PRKN: variants seen among roughly 807,000 people sequenced by gnomAD.
PRKN encodes E3 ubiquitin-protein ligase parkin.
PRKN carries 56 observed loss-of-function variants against 59.5 expected under a neutral mutation model. The ratio of observed to expected loss-of-function variants is 0.94; its 90% CI spans 0.76 to 1.18. The LOEUF is 1.18. Among genes scored for constraint, PRKN ranks in the 50% most tolerant of loss-of-function variants. The probability of loss-of-function intolerance (pLI) is 0.00; values close to 1 mark genes in which losing one functional copy is unlikely to be tolerated. For missense variants in PRKN, 657 were observed against 596.4 expected, an observed-to-expected ratio of 1.10 and a Z score of -1.06; for synonymous variants, 250 against 222.1, an observed-to-expected ratio of 1.13 and a Z score of -1.12.
rs540495961 is a variant in PRKN at position 161,549,902 on chromosome 6, A to C, written c.934-899T>G. Among the ~76,000 whole-genome samples the C allele has an allele frequency of 2.0e-5, 3 of 152,352 alleles. No individual in the cohort carries two copies. In the South Asian group the frequency reaches 6.2e-4, roughly 32 times the overall value. ...CTTCATCCACAGCACTGTAACAGTC[A>C]ATACCGAGAGGTTAGAATGTCTAGG... On this transcript the variant is annotated intron_variant, in intron 8 of 11. Transcript: ENST00000366898. This position sits in a 1 kb window ranked among gnomAD's most constrained non-coding sequence, Gnocchi z 6.0.
At chr6:161,585,585 C>A (rs978897045) in intron 7 of PRKN, among the ~76,000 whole-genome samples, 1 of 152,154 alleles carries the variant, frequency 6.6e-6, no homozygotes, top group Admixed American at 6.5e-5. Flanking sequence ...AATTAAATAG[C>A]GTTCAAATTG....
rs540305409 is a variant in PRKN, at chr6:161,410,777, C to T, written c.1084-23900G>A. On this transcript the variant is annotated intron_variant, in intron 9 of 11. Coordinates refer to ENST00000366898, the MANE Select transcript of PRKN (RefSeq NM_004562.3). This position sits in a 1 kb window ranked among gnomAD's most constrained non-coding sequence, Gnocchi z 5.3. ...ATTGGTGCTCATGACAACGGCACGC[C>T]AAGGGGCTTGATGGCAGCAGCCTCA... is the stretch of plus-strand genomic sequence containing the variant. 6.6e-6 allele frequency among the ~76,000 whole-genome samples: 1 copy of T among 152,058 alleles called. No individual in the cohort carries two copies. The highest frequency in any genetic ancestry group is 1.5e-5 in the Non-Finnish European group (1 of 68,012).
intron 1 of PRKN, among the ~76,000 whole-genome samples, chr6:162,450,891 T>A (rs9458559): frequency 7.2e-5 from 11 of 151,996 alleles, no homozygotes; most frequent in African/African-American, 2.2e-4. Flanking sequence ...ATCAGCATTC[T>A]TTCATTAATG....
At chr6:161,874,202 T>A (rs1346850774) in intron 6 of PRKN, among the ~76,000 whole-genome samples, 3 of 57,142 alleles carry the variant, frequency 5.3e-5, no homozygotes, top group Admixed American at 3.3e-4. Context: ...ATAATATATA[T>A]TATATGTAAA....
At chr6:161,534,688 G>A (rs1361017519) in intron 9 of PRKN, among the ~76,000 whole-genome samples, 1 of 152,236 alleles carries the variant, frequency 6.6e-6, no homozygotes, top group Non-Finnish European at 1.5e-5. Flanking sequence ...CTTCAGCACA[G>A]TGGCTGTGAC....
chr6:162,425,081 C>A (rs560513353), intron 2 of PRKN, among the ~76,000 whole-genome samples: 1 of 151,996 alleles, frequency 6.6e-6, no homozygotes, highest in South Asian at 2.1e-4. Flanking sequence ...AAAAATCTAC[C>A]CATCAGAACA....
At chr6:161,979,768 C>A (rs1781190935) in intron 5 of PRKN, among the ~76,000 whole-genome samples, 1 of 152,100 alleles carries the variant, frequency 6.6e-6, no homozygotes, top group African/African-American at 2.4e-5. Flanking sequence ...TCACATCAGA[C>A]CCATACAAAT....
chr6:161,648,452 T>C (rs898015952), intron 7 of PRKN, among the ~76,000 whole-genome samples: 1 of 152,148 alleles, frequency 6.6e-6, no homozygotes, highest in African/African-American at 2.4e-5. Context: ...CCTAGGCTCA[T>C]GTTTATAGGG....
intron 6 of PRKN, among the ~76,000 whole-genome samples, chr6:161,887,869 G>C (rs1795213080): frequency 6.6e-6 from 1 of 152,142 alleles, no homozygotes; most frequent in Non-Finnish European, 1.5e-5. Flanking sequence ...ATAAAAGGAA[G>C]TTGAACTCTG....
chr6:162,131,938 G>T (rs1332031634), intron 4 of PRKN, among the ~76,000 whole-genome samples: 1 of 152,196 alleles, frequency 6.6e-6, no homozygotes, highest in African/African-American at 2.4e-5. Flanking sequence ...GACATCACGG[G>T]CTGGGCATGG....
intron 6 of PRKN, among the ~76,000 whole-genome samples, chr6:161,833,867 C>G (rs558416941): frequency 1.3e-5 from 2 of 152,214 alleles, no homozygotes; most frequent in Non-Finnish European, 2.9e-5. Flanking sequence ...TAGATCTTAC[C>G]TAGAACTATT....
intron 1 of PRKN, among the ~76,000 whole-genome samples, chr6:162,634,815 G>GGT (rs1777649004): frequency 6.6e-6 from 1 of 152,114 alleles, no homozygotes; most frequent in African/African-American, 2.4e-5. Flanking sequence ...GTAGAGACGG[G>GGT]GTTTCACCAT....
intron 1 of PRKN, among the ~76,000 whole-genome samples, chr6:162,462,054 G>GA (rs1791204169): frequency 6.6e-6 from 1 of 152,070 alleles, no homozygotes; most frequent in Non-Finnish European, 1.5e-5. Context: ...ATAGGATGGA[G>GA]GTATTTACAG....
intron 6 of PRKN, among the ~76,000 whole-genome samples, chr6:161,963,637 TCTGA>T (rs1360559938): frequency 6.6e-6 from 1 of 152,258 alleles, no homozygotes; most frequent in East Asian, 1.9e-4. Flanking sequence ...TCCATTGATT[TCTGA>T]CTAATTCATT....
chr6:162,448,414 T>A (rs781399233), intron 1 of PRKN, among the ~76,000 whole-genome samples: 17 of 152,236 alleles, frequency 1.1e-4, no homozygotes, highest in South Asian at 4.1e-4. Flanking sequence ...TATTTTATAC[T>A]CTTCCGTGAG....
At chr6:162,468,918 AG>A (rs1791571432) in intron 1 of PRKN, among the ~76,000 whole-genome samples, 1 of 152,222 alleles carries the variant, frequency 6.6e-6, no homozygotes, top group Non-Finnish European at 1.5e-5. Context: ...ATAATAAATC[AG>A]GATCCAAGAG....
chr6:162,231,553 A>G (rs1778418010), intron 3 of PRKN, among the ~76,000 whole-genome samples: 1 of 152,202 alleles, frequency 6.6e-6, no homozygotes, highest in Non-Finnish European at 1.5e-5. Context: ...GGAAAGACAG[A>G]GCAGACAGTA....
chr6:162,061,810 A>G (rs981097601), intron 4 of PRKN, among the ~76,000 whole-genome samples: 3 of 152,202 alleles, frequency 2.0e-5, no homozygotes, highest in Admixed American at 6.5e-5. Flanking sequence ...AAAAAGGGAG[A>G]ATAATCGCTT....
intron 7 of PRKN, among the ~76,000 whole-genome samples, chr6:161,732,094 T>TG (rs1279435897): frequency 6.6e-6 from 1 of 151,532 alleles, no homozygotes; most frequent in African/African-American, 2.4e-5. Context: ...TTGTTCTATT[T>TG]TTTTTTTTTT....
Sources: allele counts gnomAD v4.1 joint callset (sites outside exome capture counted in the v4.1 genomes callset), GRCh38; gene constraint gnomAD v4.1.1; non-coding constraint Gnocchi (gnomAD v3.1); transcripts MANE v1.5; gene names NCBI Gene and HGNC (gene_info 2026-07-23, HGNC 2026-07-21).